Variants in CYP20A1 observed in about 807,000 individuals in gnomAD.
CYP20A1 encodes the protein cytochrome P450 family 20 subfamily A member 1.
CYP20A1 carries 61 observed loss-of-function variants against 61.4 expected under a neutral mutation model. That is an observed-to-expected ratio of 0.99 (90% CI 0.81 to 1.23). The LOEUF is 1.23. Among genes scored for constraint, CYP20A1 ranks in the 50% most tolerant of loss-of-function variants. The pLI, the probability that CYP20A1 is intolerant of heterozygous loss-of-function variation, is 0.00. For missense variants in CYP20A1, 530 were observed against 542.4 expected, an observed-to-expected ratio of 0.98 and a Z score of 0.23; for synonymous variants, 193 against 188.2, an observed-to-expected ratio of 1.03 and a Z score of -0.21.
chr2:203,243,999 G>GA (rs2066357804), intron 1 of CYP20A1, among the ~76,000 whole-genome samples: 1 of 152,122 alleles, frequency 6.6e-6, no homozygotes, highest in South Asian at 2.1e-4. Context: ...CTATTTCATT[G>GA]AAAAAATGAC....
At chr2:203,245,346 A>ATTT (rs1170482802) in intron 1 of CYP20A1, among the ~76,000 whole-genome samples, 22 of 143,568 alleles carry the variant, frequency 1.5e-4, no homozygotes, top group African/African-American at 4.7e-4. Context: ...TTTAAAAAAA[A>ATTT]ATTTTTTTTT....
chr2:203,246,018 A>C lies in CYP20A1; in HGVS notation c.122+123A>C. The C allele has an allele frequency of 4.6e-6, 3 of 655,624 alleles. No homozygotes were observed. In the South Asian group the frequency reaches 6.7e-5, roughly 15 times the overall value. 40.6% of individuals were successfully genotyped at this position (655,624 alleles called of 1,614,324 possible). ...GCTACTGAGGAGGTTGAGGTGGAAG[A>C]TCGCTTGAGGCCAGGAGTTTAATGC... On this transcript the variant is annotated intron_variant, in intron 2 of 12. Transcript: ENST00000356079.
rs766151324 is a variant in CYP20A1, at chr2:203,296,904, A to G, written c.1385A>G (p.Tyr462Cys). The change falls in exon 13 of 13, where the codon TAT (tyrosine) becomes TGT (cysteine). Residue 462 changes from tyrosine (Y) to cysteine (C), a missense_variant. Coordinates refer to ENST00000356079, the MANE Select transcript of CYP20A1 (RefSeq NM_177538.3). ...EEAWITVSKR[Y>C] is the part of the protein sequence containing the mutation. ...GCTTGGATCACTGTCTCAAAGAGAT[A>G]TTAAAATTTTATACATTTAAAATCA... 22 of 1,545,522 alleles carry G rather than the reference A, an allele frequency of 1.4e-5. No individual in the cohort carries two copies. Among genetic ancestry groups the G allele is most frequent in the Non-Finnish European group, 1.8e-5 (21 of 1,143,790 alleles).
Position 203,301,123 on chromosome 2 carries a change from T to A in CYP20A1, c.*4215T>A, listed in dbSNP as rs1417043398. On this transcript the variant is annotated 3_prime_UTR_variant, in exon 13 of 13. Transcript: ENST00000356079. ...AAACAGGAGAATCGCTTGAACCCAG[T>A]AGGGGAAGGTTGTGGTGAGCCAAGA... is the stretch of plus-strand genomic sequence containing the variant. Among the ~76,000 whole-genome samples, 1 of 139,588 alleles carries A rather than the reference T, an allele frequency of 7.2e-6. No individual in the cohort carries two copies. Among genetic ancestry groups the A allele is most frequent in the Non-Finnish European group, 1.5e-5 (1 of 65,772 alleles). 91.6% of individuals were successfully genotyped at this position (139,588 alleles called of 152,430 possible).
At chr2:203,291,490 G>T (rs972856462) in intron 10 of CYP20A1, among the ~76,000 whole-genome samples, 1 of 152,100 alleles carries the variant, frequency 6.6e-6, no homozygotes, top group East Asian at 1.9e-4. Flanking sequence ...TCATTGGAGA[G>T]ATAGAACAAA....
intron 4 of CYP20A1, among the ~76,000 whole-genome samples, chr2:203,262,390 G>C (rs1481137481): frequency 6.6e-6 from 1 of 152,232 alleles, no homozygotes; most frequent in East Asian, 1.9e-4. Flanking sequence ...CAGAAAGAAT[G>C]AATTTATAGG....
intron 5 of CYP20A1, among the ~76,000 whole-genome samples, 175 bp downstream of exon 5, chr2:203,266,856 C>T (rs1200867947): frequency 6.6e-6 from 1 of 152,086 alleles, no homozygotes; most frequent in East Asian, 1.9e-4. Flanking sequence ...TGGTGGGTGC[C>T]TGTAATCCCA....
chr2:203,283,419 T>C (rs2068126957), intron 8 of CYP20A1, among the ~76,000 whole-genome samples: 1 of 151,578 alleles, frequency 6.6e-6, no homozygotes, highest in Non-Finnish European at 1.5e-5. Context: ...GGTTTCACTG[T>C]GTTGGCCAGG....
intron 11 of CYP20A1, 105 bp from the exon 12 acceptor site, chr2:203,296,369 T>C: frequency 1.6e-6 from 1 of 626,368 alleles, no homozygotes; most frequent in Middle Eastern, 3.2e-4. Context: ...GCACTTTCTA[T>C]TTTCAGTTGA....
chr2:203,251,352 A>T (rs2066663586), intron 3 of CYP20A1, among the ~76,000 whole-genome samples: 1 of 151,876 alleles, frequency 6.6e-6, no homozygotes, highest in African/African-American at 2.4e-5. Flanking sequence ...TTTTAAAAAA[A>T]TTTGAAGACA....
intron 4 of CYP20A1, among the ~76,000 whole-genome samples, chr2:203,262,972 C>A (rs1035733075): frequency 6.6e-6 from 1 of 150,846 alleles, no homozygotes; most frequent in African/African-American, 2.4e-5. Flanking sequence ...GCCACTGTGC[C>A]CGGCAAGTGC....
chr2:203,283,489 T>G (rs1166030121), intron 8 of CYP20A1, among the ~76,000 whole-genome samples: 1 of 151,464 alleles, frequency 6.6e-6, no homozygotes, highest in Non-Finnish European at 1.5e-5. Context: ...GTGCTGAGAT[T>G]ACAGGCGTGA....
intron 4 of CYP20A1, among the ~76,000 whole-genome samples, chr2:203,253,217 G>A (rs1310140193): frequency 6.6e-6 from 1 of 152,162 alleles, no homozygotes; most frequent in Non-Finnish European, 1.5e-5. Context: ...CCTTACTGCG[G>A]TTCCTGAAGC....
intron 11 of CYP20A1, among the ~76,000 whole-genome samples, chr2:203,293,807 A>T (rs1017171786): frequency 2.6e-5 from 4 of 151,956 alleles, no homozygotes; most frequent in African/African-American, 9.7e-5. Flanking sequence ...AAAAATTCAG[A>T]GTTTAAGTCG....
At chr2:203,261,972 A>G (rs2067155214) in intron 4 of CYP20A1, among the ~76,000 whole-genome samples, 1 of 152,076 alleles carries the variant, frequency 6.6e-6, no homozygotes, top group South Asian at 2.1e-4. Flanking sequence ...GACATCTCTT[A>G]CAAAAGCATC....
rs556105766 is a variant in CYP20A1, at chr2:203,305,609, C to T, written c.*8701C>T. The T allele has an allele frequency of 1.6e-4, 24 of 152,120 alleles. No homozygotes were observed. The highest frequency in any genetic ancestry group is 5.5e-4 in the African/African-American group (23 of 41,496). The allele number at this position is 152,120 out of a possible 1,614,324, so 9.4% of individuals were successfully genotyped here. On this transcript the variant is annotated 3_prime_UTR_variant, in exon 13 of 13. Transcript: ENST00000356079. ...CATGATCAAATAAATTACTTATATC[C>T]TGTTTGGTGATTTTTAGAAAAACAT...
Position 203,298,673 on chromosome 2 carries a change from C to G in CYP20A1, c.*1765C>G, listed in dbSNP as rs545078378. On this transcript the variant is annotated 3_prime_UTR_variant, in exon 13 of 13. Coordinates refer to ENST00000356079, the MANE Select transcript of CYP20A1 (RefSeq NM_177538.3). ...CCAAGATCGCACCACTGCACTCCAG[C>G]CTGGGTGTCGAGTGAAACTCATTCT... is the stretch of plus-strand genomic sequence containing the variant. Among the ~76,000 whole-genome samples the G allele has an allele frequency of 3.4e-4, 51 of 149,240 alleles. 1 individual carries two copies. The South Asian group carries it at 0.011, about 32-fold the overall frequency.
intron 4 of CYP20A1, among the ~76,000 whole-genome samples, chr2:203,262,463 A>G (rs2067172298): frequency 1.3e-5 from 2 of 152,030 alleles, no homozygotes; most frequent in Admixed American, 1.3e-4. Context: ...TTTTACATGA[A>G]CCAACTTTTT....
chr2:203,244,261 G>A (rs1296407523), intron 1 of CYP20A1, among the ~76,000 whole-genome samples: 3 of 151,856 alleles, frequency 2.0e-5, no homozygotes, highest in Non-Finnish European at 4.4e-5. Flanking sequence ...AAGTGCAGTG[G>A]TGCAATCACA....
Sources: gnomAD v4.1 joint callset for allele counts (sites outside exome capture counted in the v4.1 genomes callset) on GRCh38, gnomAD v4.1.1 for gene constraint, MANE v1.5 for transcripts, NCBI Gene and HGNC (gene_info 2026-07-23, HGNC 2026-07-21) for gene names.